The following ITPR2 variants were observed in gnomAD, a reference collection of about 807,000 sequenced individuals.
ITPR2 encodes inositol 1,4,5-trisphosphate receptor type 2.
In ITPR2, 207 loss-of-function variants were observed where a neutral mutation model predicts 317.1. The observed-to-expected ratio is 0.65, with a 90% CI of 0.58 to 0.73. The LOEUF (loss-of-function observed/expected upper bound fraction) is 0.73. Among genes scored for constraint, ITPR2 ranks in the 30% least tolerant of loss-of-function variants. ITPR2 has a pLI of 0.00. For missense variants in ITPR2, 2,613 were observed against 3,284.0 expected, an observed-to-expected ratio of 0.80 and a Z score of 4.99; for synonymous variants, 1,156 against 1,149.1, an observed-to-expected ratio of 1.01 and a Z score of -0.12.
In ITPR2 at chr12:26,494,153, C is replaced by T; in HGVS notation, c.5370G>A (p.Gln1790=). The change falls in exon 39 of 57, where the codon CAG becomes CAA. Residue 1790 remains glutamine (Q), a splice_region_variant and synonymous_variant. Transcript: ENST00000381340. ...ATCCCCATGATTGATGAACAAGTAC[C>T]TGTGTTTGTGTATTTCCTCCTTCAA... is the stretch of plus-strand genomic sequence containing the variant. ...ALLEGGNTQT[Q]YSFYQQLHEQ... The T allele has an allele frequency of 1.2e-6, 2 of 1,605,578 alleles. No homozygotes were observed. The highest frequency in any genetic ancestry group is 1.1e-5 in the South Asian group (1 of 89,888).
intron 32 of ITPR2, among the ~76,000 whole-genome samples, chr12:26,584,636 G>A (rs1348072097): frequency 1.3e-5 from 2 of 152,166 alleles, no homozygotes; most frequent in East Asian, 3.8e-4. Context: ...TATCTGTGAT[G>A]TCCAATATGG....
At chr12:26,738,626 T>C (rs1949172294) in intron 2 of ITPR2, among the ~76,000 whole-genome samples, 1 of 152,224 alleles carries the variant, frequency 6.6e-6, no homozygotes, top group Non-Finnish European at 1.5e-5. Flanking sequence ...TGTTTTTGTT[T>C]TTTCTTTTTA....
intron 37 of ITPR2, among the ~76,000 whole-genome samples, chr12:26,516,296 GGAAAGGAAAGGAAA>G: frequency 1.2e-5 from 1 of 86,690 alleles, no homozygotes; most frequent in African/African-American, 4.4e-5. Context: ...GGAAAGGAAA[GGAAAGGAAAGGAAA>G]GGAAAGGAAA....
intron 52 of ITPR2, among the ~76,000 whole-genome samples, chr12:26,411,041 T>C (rs1038156275): frequency 5.3e-5 from 8 of 152,196 alleles, no homozygotes; most frequent in Non-Finnish European, 1.0e-4. Flanking sequence ...CTTAGTGTGG[T>C]TTGCAATATG....
At chr12:26,799,205 T>G (rs1329290180) in intron 1 of ITPR2, among the ~76,000 whole-genome samples, 1 of 152,202 alleles carries the variant, frequency 6.6e-6, no homozygotes, top group Non-Finnish European at 1.5e-5. Context: ...ATATTCCCAC[T>G]TATTTTTCCA....
At chr12:26,436,559 G>C (rs1941354113) in intron 47 of ITPR2, among the ~76,000 whole-genome samples, 2 of 152,170 alleles carry the variant, frequency 1.3e-5, no homozygotes, top group Admixed American at 1.3e-4. Context: ...CCTTCAGCCA[G>C]TTTAGGCCTA....
chr12:26,753,377 T>C (rs1023198258), intron 2 of ITPR2, among the ~76,000 whole-genome samples: 4 of 152,176 alleles, frequency 2.6e-5, no homozygotes, highest in African/African-American at 9.7e-5. Flanking sequence ...GTGACAGAAT[T>C]AGGCATGTAC....
chr12:26,774,010 T>TCC (rs150425593), intron 2 of ITPR2, among the ~76,000 whole-genome samples: 1 of 112,046 alleles, frequency 8.9e-6, no homozygotes, highest in Non-Finnish European at 1.9e-5. Context: ...TTTTTTTTTT[T>TCC]AGTATAAAGC....
intron 23 of ITPR2, among the ~76,000 whole-genome samples, chr12:26,627,673 C>G (rs1946651792): frequency 6.6e-6 from 1 of 152,062 alleles, no homozygotes; most frequent in Non-Finnish European, 1.5e-5. Flanking sequence ...AACACAGGAA[C>G]AGAAAACCAA....
chr12:26,343,003 T>C (rs776420232), intron 55 of ITPR2, among the ~76,000 whole-genome samples: 3 of 152,062 alleles, frequency 2.0e-5, no homozygotes, highest in Non-Finnish European at 4.4e-5. Flanking sequence ...TGGTTTGGTG[T>C]CTTTTTGCAC....
At chr12:26,494,014 A>C (rs1008123088) in intron 39 of ITPR2, 139 bp downstream of exon 39, 3 of 590,028 alleles carry the variant, frequency 5.1e-6, no homozygotes, top group Non-Finnish European at 8.3e-6. Context: ...AAATTTAAGA[A>C]AAGTGTGATA....
chr12:26,540,656 C>G (rs551354023), intron 37 of ITPR2, among the ~76,000 whole-genome samples: 17 of 152,200 alleles, frequency 1.1e-4, no homozygotes, highest in African/African-American at 3.1e-4. Context: ...GCAATGAGTG[C>G]TATTATGTGA....
intron 32 of ITPR2, among the ~76,000 whole-genome samples, chr12:26,587,333 A>G (rs2137090050): frequency 6.6e-6 from 1 of 151,844 alleles, no homozygotes; most frequent in African/African-American, 2.4e-5. Flanking sequence ...TTCTATGGAG[A>G]AAAATGAAGC....
intron 35 of ITPR2, among the ~76,000 whole-genome samples, chr12:26,557,740 A>T (rs138062191): frequency 1.3e-5 from 2 of 152,342 alleles, no homozygotes; most frequent in African/African-American, 4.8e-5. Context: ...ATGTTGTGTT[A>T]TTTAAAGCTG....
At chr12:26,546,572 A>C (rs1309359248) in intron 37 of ITPR2, among the ~76,000 whole-genome samples, 1 of 152,192 alleles carries the variant, frequency 6.6e-6, no homozygotes, top group East Asian at 1.9e-4. Flanking sequence ...TATGGAACCA[A>C]AAAAGAGTTG....
chr12:26,649,977 T>TCTTACTTATTCCATTCTTACTTATA (rs774553945), intron 21 of ITPR2, among the ~76,000 whole-genome samples: 19 of 152,226 alleles, frequency 1.2e-4, no homozygotes, highest in Non-Finnish European at 2.5e-4. Context: ...TTGTTTATCT[T>TCTTACTTATTCCATTCTTACTTATA]GTTCATTACT....
intron 34 of ITPR2, 79 bp downstream of exon 34, chr12:26,578,634 C>A: frequency 7.8e-7 from 1 of 1,281,680 alleles, no homozygotes; most frequent in South Asian, 1.5e-5. Flanking sequence ...AATTGGGAAG[C>A]TGCTTGTGTT....
At chr12:26,488,194 A>G (rs1174671373) in intron 39 of ITPR2, among the ~76,000 whole-genome samples, 1 of 152,194 alleles carries the variant, frequency 6.6e-6, no homozygotes, top group African/African-American at 2.4e-5. Context: ...CAAGATAAAT[A>G]TCATTTGTAA....
intron 37 of ITPR2, among the ~76,000 whole-genome samples, chr12:26,525,299 T>G (rs1252859659): frequency 6.6e-6 from 1 of 152,170 alleles, no homozygotes; most frequent in Non-Finnish European, 1.5e-5. Flanking sequence ...TATAACAACT[T>G]CCTTTGAATA....
Sources: gnomAD v4.1 joint callset for allele counts (sites outside exome capture counted in the v4.1 genomes callset) on GRCh38, gnomAD v4.1.1 for gene constraint, MANE v1.5 for transcripts, NCBI Gene and HGNC (gene_info 2026-07-23, HGNC 2026-07-21) for gene names.